KDM4A: variants seen among roughly 807,000 people sequenced by gnomAD.
The protein encoded by KDM4A is lysine demethylase 4A, also known as lysine-specific demethylase 4A.
KDM4A carries 23 observed loss-of-function variants against 127.1 expected under a neutral mutation model. The ratio of observed to expected loss-of-function variants is 0.18; its 90% confidence interval spans 0.13 to 0.26. The LOEUF (loss-of-function observed/expected upper bound fraction) is 0.26. Among genes scored for constraint, KDM4A ranks in the 10% least tolerant of loss-of-function variants. KDM4A has a pLI of 1.00. For synonymous variants in KDM4A, 443 were observed against 466.5 expected, an observed-to-expected ratio of 0.95 and a Z score of 0.65; for missense variants, 890 against 1,329.1, an observed-to-expected ratio of 0.67 and a Z score of 5.14.
At chr1:43,675,537 C>T (rs1248134105) in intron 11 of KDM4A, among the ~76,000 whole-genome samples, 1 of 152,138 alleles carries the variant, frequency 6.6e-6, no homozygotes, top group Non-Finnish European at 1.5e-5. Flanking sequence ...CATGATAACT[C>T]ATGCCAGGGT....
intron 3 of KDM4A, among the ~76,000 whole-genome samples, chr1:43,657,759 T>C (rs1660280209): frequency 6.7e-6 from 1 of 148,808 alleles, no homozygotes; most frequent in East Asian, 2.0e-4. Flanking sequence ...TCTTTTTTTT[T>C]TTTTTTTTTG....
chr1:43,659,668 G>A (rs1660326343), intron 3 of KDM4A, among the ~76,000 whole-genome samples: 1 of 152,216 alleles, frequency 6.6e-6, no homozygotes, highest in African/African-American at 2.4e-5. Context: ...ATATAAATAT[G>A]CGTATATGTG....
In KDM4A at chr1:43,704,285, A is replaced by C; in HGVS notation, c.3110A>C (p.Gln1037Pro). ...ATTTTCACAGAGAAAGAGGTTAAGC[A>C]AGAAAAGAAACGGCAACGAGTTATC... ...NEIFTEKEVK[Q>P]EKKRQRVINS... Residue 1037 changes from glutamine (Q) to proline (P), a missense_variant, in exon 22 of 22, where the codon CAA becomes CCA. This residue lies in a region of KDM4A where 246 missense variants were observed against 418.4 expected (regional missense o/e 0.59). Coordinates refer to ENST00000372396, the MANE Select transcript of KDM4A (RefSeq NM_014663.3). 6.2e-7 allele frequency: 1 copy of C among 1,614,198 alleles called. No individual in the cohort carries two copies. Among genetic ancestry groups the C allele is most frequent in the Non-Finnish European group, 8.5e-7 (1 of 1,180,034 alleles).
In KDM4A at chr1:43,694,073, A is replaced by C; in HGVS notation, c.2455A>C (p.Ser819Arg). The change falls in exon 17 of 22, where the codon AGC becomes CGC. Residue 819 changes from serine to arginine, a missense_variant. By Grantham distance (110) the Ser-to-Arg change is moderately radical. Coordinates refer to ENST00000372396, the MANE Select transcript of KDM4A (RefSeq NM_014663.3). The surrounding 1 kb of genome is among the most constrained non-coding windows in gnomAD (Gnocchi z 5.2). ...TGCAGAAAGAAGTCCGGTGGATGTG[A>C]GCAAAATCCCCCTGCCCCGCTTCAA... ...NIAERSPVDV[S>R]KIPLPRFKLK... The C allele has an allele frequency of 6.2e-7, 1 of 1,614,172 alleles. No individual in the cohort carries two copies. The highest frequency in any genetic ancestry group is 8.5e-7 in the Non-Finnish European group (1 of 1,179,990).
intron 11 of KDM4A, among the ~76,000 whole-genome samples, chr1:43,681,444 C>A (rs1165340773): frequency 2.0e-5 from 3 of 152,294 alleles, no homozygotes; most frequent in Admixed American, 6.5e-5. Flanking sequence ...TTTCTGAACC[C>A]CCAGTCTGAA....
At chr1:43,667,632 C>G in intron 8 of KDM4A, 140 bp from the exon 9 acceptor site, 1 of 1,075,740 alleles carries the variant, frequency 9.3e-7, no homozygotes, top group South Asian at 1.5e-5. Context: ...GGATAACATG[C>G]CCTCAGCCTG....
chr1:43,670,705 A>C (rs1660599377), intron 10 of KDM4A, among the ~76,000 whole-genome samples: 1 of 152,026 alleles, frequency 6.6e-6, no homozygotes, highest in Admixed American at 6.6e-5. Context: ...CTGGGACTAC[A>C]GATGCTTGCT....
chr1:43,685,071 T>C (rs112505118), intron 12 of KDM4A, among the ~76,000 whole-genome samples: 14 of 152,016 alleles, frequency 9.2e-5, no homozygotes, highest in African/African-American at 2.7e-4. Flanking sequence ...TTGGATACAA[T>C]TGTTGGAATA....
chr1:43,685,060 A>G (rs1660940382), intron 12 of KDM4A, among the ~76,000 whole-genome samples: 1 of 152,068 alleles, frequency 6.6e-6, no homozygotes, highest in Non-Finnish European at 1.5e-5. Context: ...CTGAGGTGAC[A>G]TTGGATACAA....
At chr1:43,668,374 C>A (rs1660546886) in intron 9 of KDM4A, among the ~76,000 whole-genome samples, 1 of 152,176 alleles carries the variant, frequency 6.6e-6, no homozygotes, top group African/African-American at 2.4e-5. Flanking sequence ...ATCCGCCCAC[C>A]TCGGCCTCCC....
chr1:43,675,827 G>A (rs1173004591), intron 11 of KDM4A, among the ~76,000 whole-genome samples: 2 of 152,066 alleles, frequency 1.3e-5, no homozygotes, highest in African/African-American at 4.8e-5. Flanking sequence ...AATCCTAGCA[G>A]TTTGGGAGGC....
At position 43,660,328 on chromosome 1, in the gene KDM4A, A is replaced by C; in HGVS notation, c.345A>C (p.Glu115Asp). The change falls in exon 4 of 22, where the codon GAA becomes GAC. Residue 115 changes from glutamate to aspartate, a missense_variant. Physicochemically the swap from Glu to Asp is conservative, Grantham distance 45. Coordinates refer to ENST00000372396, the MANE Select transcript of KDM4A (RefSeq NM_014663.3). The part of the protein sequence containing the change: ...KYCTPRYSEF[E>D]ELERKYWKNL... Reference sequence around the variant, plus strand: ...GTACCCCACGCTATAGTGAGTTTGAAGAGCTCGAGCGGAAATACTGGAAAA... The same window carrying C: ...GTACCCCACGCTATAGTGAGTTTGACGAGCTCGAGCGGAAATACTGGAAAA... 6.2e-7 allele frequency: 1 copy of C among 1,614,198 alleles called. No homozygotes were observed. The highest frequency in any genetic ancestry group is 8.5e-7 in the Non-Finnish European group (1 of 1,180,020).
intron 19 of KDM4A, 126 bp from the exon 20 acceptor site, chr1:43,703,479 ACATTTTTCAGCC>A (rs1257733032): frequency 1.8e-6 from 2 of 1,088,478 alleles, no homozygotes; most frequent in Non-Finnish European, 2.7e-6. Context: ...TTAACTGTTA[ACATTTTTCAGCC>A]CAGAGAGCTG....
chr1:43,694,905 G>A lies in KDM4A; in HGVS notation c.2670+11G>A, dbSNP rs760178503. 14 of 1,586,796 alleles carry A rather than the reference G, an allele frequency of 8.8e-6. No homozygotes were observed. Among genetic ancestry groups the A allele is most frequent in the Admixed American group, 3.4e-5 (2 of 58,838 alleles). On this transcript the variant is annotated intron_variant, in intron 18 of 21. Coordinates refer to ENST00000372396, the MANE Select transcript of KDM4A (RefSeq NM_014663.3). This position sits in a 1 kb window ranked among gnomAD's most constrained non-coding sequence, Gnocchi z 5.2. ...ATTCCTAATTTGGAGGTGAGAGAGG[G>A]TGTCATTCTAGAATCCTCTTGACAG... is the stretch of plus-strand genomic sequence containing the variant.
Position 43,694,901 on chromosome 1 carries a change from G to A in KDM4A, c.2670+7G>A, listed in dbSNP as rs12737814. 1.3e-6 allele frequency: 2 copies of A among 1,589,404 alleles called. No homozygotes were observed. Among genetic ancestry groups the A allele is most frequent in the Non-Finnish European group, 1.7e-6 (2 of 1,159,736 alleles). ...CAAGATTCCTAATTTGGAGGTGAGA[G>A]AGGGTGTCATTCTAGAATCCTCTTG... is the stretch of plus-strand genomic sequence containing the variant. On this transcript the variant is annotated splice_region_variant and intron_variant, in intron 18 of 21. Transcript: ENST00000372396. This position sits in a 1 kb window ranked among gnomAD's most constrained non-coding sequence, Gnocchi z 5.2.
Position 43,654,371 on chromosome 1 carries a change from C to T in KDM4A, c.138+1058C>T, listed in dbSNP as rs561234699. Among the ~76,000 whole-genome samples, 428 of 152,310 alleles carry T rather than the reference C, an allele frequency of 2.8e-3. 4 individuals are homozygous for T. The highest frequency in any genetic ancestry group is 0.01 in the African/African-American group (419 of 41,560). ...TTCTCTGCTCATACAAACATACACA[C>T]ATATAAAATAGTGTTATTTGTTTTG... On this transcript the variant is annotated intron_variant, in intron 2 of 21. Coordinates refer to ENST00000372396, the MANE Select transcript of KDM4A (RefSeq NM_014663.3).
chr1:43,697,346 C>T (rs1043512445), intron 18 of KDM4A, among the ~76,000 whole-genome samples: 4 of 152,190 alleles, frequency 2.6e-5, no homozygotes, highest in African/African-American at 4.8e-5. Flanking sequence ...ATGGCAGGGC[C>T]CTTGGAATGG....
At chr1:43,663,415 A>C (rs762694100) in intron 5 of KDM4A, among the ~76,000 whole-genome samples, 1 of 152,146 alleles carries the variant, frequency 6.6e-6, no homozygotes, top group Non-Finnish European at 1.5e-5. Context: ...GACTTCCAAG[A>C]CTAGAGTCAC....
intron 12 of KDM4A, among the ~76,000 whole-genome samples, chr1:43,685,945 T>C (rs1311697218): frequency 6.6e-6 from 1 of 152,088 alleles, no homozygotes; most frequent in Admixed American, 6.6e-5. Flanking sequence ...CCTGATTGGT[T>C]TAAAGCAATA....
Sources: gnomAD v4.1 joint callset for allele counts (sites outside exome capture counted in the v4.1 genomes callset) on GRCh38, gnomAD v4.1.1 for gene constraint, gnomAD v4.1.1 regional missense constraint, Gnocchi (gnomAD v3.1) non-coding constraint, MANE v1.5 for transcripts, NCBI Gene and HGNC (gene_info 2026-07-23, HGNC 2026-07-21) for gene names.